Variants in SYTL2 observed in about 807,000 individuals in gnomAD.
SYTL2 encodes synaptotagmin-like protein 2.
Under a neutral mutation model 198.7 loss-of-function variants are expected in SYTL2, and 165 were observed. That is an observed-to-expected ratio of 0.83 (90% CI 0.73 to 0.94). The LOEUF is 0.94. Ranked by LOEUF, SYTL2 falls within the 40% of genes least tolerant of loss-of-function variation. The pLI is 0.00. For missense variants in SYTL2, 2,835 were observed against 2,582.8 expected (o/e 1.10, Z -2.12); for synonymous variants, 966 against 917.7 (o/e 1.05, Z -0.95).
chr11:85,708,146 T>G, intron 14 of SYTL2: 1 of 416,872 alleles, frequency 2.4e-6, no homozygotes, highest in East Asian at 8.2e-5. Context: ...ACAGTGAAAC[T>G]CCACCTCAAA....
intron 2 of SYTL2, among the ~76,000 whole-genome samples, chr11:85,751,648 G>T (rs894081158): frequency 4.6e-5 from 7 of 152,192 alleles, no homozygotes; most frequent in South Asian, 2.1e-4. Context: ...TGGCCTCCCA[G>T]GTGGGATGTC....
At position 85,719,368 on chromosome 11, in the gene SYTL2, A is replaced by C. The variant is rs547726011; in HGVS notation, c.5429-525T>G. ...GAGTGGGTATCAGTATTTGGAAGGGAGCGTGCAGGAATACCCGTCAGCTGA... is the reference window on the plus strand; with the variant it reads ...GAGTGGGTATCAGTATTTGGAAGGGCGCGTGCAGGAATACCCGTCAGCTGA... On this transcript the variant is annotated intron_variant, in intron 9 of 19. Coordinates refer to ENST00000359152, the MANE Select transcript of SYTL2 (RefSeq NM_206927.4). 8 of 1,106,554 alleles carry C rather than the reference A, an allele frequency of 7.2e-6. No homozygotes were observed. In the African/African-American group the frequency reaches 1.3e-4, roughly 18 times the overall value. 68.5% of individuals were successfully genotyped at this position (1,106,554 alleles called of 1,614,324 possible).
At chr11:85,748,455 G>C (rs2091308651) in intron 2 of SYTL2, 32 bp from the exon 3 acceptor site, 1 of 1,610,462 alleles carries the variant, frequency 6.2e-7, no homozygotes, top group Non-Finnish European at 8.5e-7. Flanking sequence ...AGTTTGCTGA[G>C]AACCCACAGT....
intron 3 of SYTL2, 134 bp downstream of exon 3, chr11:85,748,138 C>A (rs1221497762): frequency 2.1e-5 from 22 of 1,049,696 alleles, no homozygotes; most frequent in Non-Finnish European, 2.6e-5. Context: ...GAAATTTAAA[C>A]TAGAGGGCCA....
chr11:85,805,327 CA>C (rs200930675), intron 1 of SYTL2, among the ~76,000 whole-genome samples: 40 of 95,906 alleles, frequency 4.2e-4, no homozygotes, highest in East Asian at 5.8e-4. Context: ...CCCATCTCTA[CA>C]AAAAAAAAAA....
the SYTL2 span, among the ~76,000 whole-genome samples, chr11:85,843,007 G>C: frequency 6.6e-6 from 1 of 152,216 alleles, no homozygotes; most frequent in South Asian, 2.1e-4. Context: ...AGTTCCAGCT[G>C]TGGCCAATGG....
chr11:85,759,600 A>C (rs139578180), intron 1 of SYTL2, among the ~76,000 whole-genome samples: 2 of 152,314 alleles, frequency 1.3e-5, no homozygotes, highest in African/African-American at 4.8e-5. Flanking sequence ...CCAGCTGAAT[A>C]AGACTATACT....
In SYTL2 at chr11:85,727,706, G is replaced by GC; in HGVS notation, c.1651_1652insG (p.Thr551SerfsTer10). ...AACAGCAACCTGTGATTTTGAGTCT[G>GC]TTTTTTCTTTGGACTCTATTCCTCG... On this transcript the variant is annotated frameshift_variant, in exon 8 of 20. Transcript: ENST00000359152. LOFTEE classifies it high-confidence loss of function. The GC allele has an allele frequency of 6.5e-7, 1 of 1,546,188 alleles. No homozygotes were observed. The highest frequency in any genetic ancestry group is 8.7e-7 in the Non-Finnish European group (1 of 1,146,978).
intron 1 of SYTL2, among the ~76,000 whole-genome samples, chr11:85,764,621 T>C (rs547808735): frequency 6.6e-5 from 10 of 152,380 alleles, no homozygotes; most frequent in Admixed American, 3.9e-4. Flanking sequence ...TTTCTCCCTC[T>C]GTACATTTGA....
intron 7 of SYTL2, among the ~76,000 whole-genome samples, chr11:85,729,843 C>T (rs969073253): frequency 6.6e-6 from 1 of 152,058 alleles, no homozygotes; most frequent in African/African-American, 2.4e-5. Context: ...AATAGATAGA[C>T]CATTAGCCAG....
chr11:85,702,587 C>T (rs184881569), intron 16 of SYTL2, among the ~76,000 whole-genome samples: 38 of 152,228 alleles, frequency 2.5e-4, no homozygotes, highest in Admixed American at 2.3e-3. Context: ...AGGGCCTTAG[C>T]CTAGGAATAT....
chr11:85,796,483 G>T lies in SYTL2; in HGVS notation c.-390+14471C>A, dbSNP rs2092805955. On this transcript the variant is annotated intron_variant, in intron 1 of 19. Transcript: ENST00000359152. ...TTCTAAGAGTCTAATTCTGATAAGT[G>T]ATATTTTTAGGACTCTGACAGTATC... is the stretch of plus-strand genomic sequence containing the variant. Among the ~76,000 whole-genome samples, 5 of 152,144 alleles carry T rather than the reference G, an allele frequency of 3.3e-5. No homozygotes were observed. The South Asian group carries it at 1.0e-3, about 31-fold the overall frequency.
intron 1 of SYTL2, among the ~76,000 whole-genome samples, chr11:85,765,129 C>A (rs530379072): frequency 6.6e-6 from 1 of 152,030 alleles, no homozygotes; most frequent in African/African-American, 2.4e-5. Context: ...TTCAAGGTAG[C>A]CTCTTAAAAA....
intron 1 of SYTL2, among the ~76,000 whole-genome samples, chr11:85,768,391 C>T (rs2092289324): frequency 6.6e-6 from 1 of 152,206 alleles, no homozygotes; most frequent in African/African-American, 2.4e-5. Flanking sequence ...AGTTCTTTGG[C>T]AGTTTCCCTA....
the SYTL2 span, among the ~76,000 whole-genome samples, chr11:85,826,211 T>G: frequency 1.3e-5 from 2 of 152,194 alleles, no homozygotes; most frequent in African/African-American, 4.8e-5. Context: ...CATTAAACAT[T>G]GAAAAGCACT....
intron 7 of SYTL2, among the ~76,000 whole-genome samples, chr11:85,732,861 C>G (rs932772136): frequency 6.6e-6 from 1 of 152,096 alleles, no homozygotes; most frequent in Non-Finnish European, 1.5e-5. Flanking sequence ...AGAGGGTACA[C>G]AGCATGTTTT....
chr11:85,714,011 GC>G (rs1565890254), intron 12 of SYTL2, among the ~76,000 whole-genome samples: 1 of 152,164 alleles, frequency 6.6e-6, no homozygotes, highest in Non-Finnish European at 1.5e-5. Context: ...ACTCCTTAAA[GC>G]TTGATGTGTC....
At chr11:85,850,968 C>A in the SYTL2 span, among the ~76,000 whole-genome samples, 1 of 141,264 alleles carries the variant, frequency 7.1e-6, no homozygotes, top group African/African-American at 2.7e-5. Flanking sequence ...CAGGTGGGAA[C>A]TGAACAATGA....
the SYTL2 span, chr11:85,853,408 A>G: frequency 7.1e-6 from 3 of 421,038 alleles, no homozygotes; most frequent in Non-Finnish European, 1.4e-5. Flanking sequence ...ACTCAGGGTT[A>G]AATGGATTAA....
Sources: gnomAD v4.1 joint callset for allele counts (sites outside exome capture counted in the v4.1 genomes callset) on GRCh38, gnomAD v4.1.1 for gene constraint, MANE v1.5 for transcripts, NCBI Gene and HGNC (gene_info 2026-07-23, HGNC 2026-07-21) for gene names.